The following CTNNA2 variants were observed in gnomAD, a reference collection of about 807,000 sequenced individuals.
CTNNA2 encodes the protein catenin alpha 2.
In CTNNA2, 42 loss-of-function variants were observed where a neutral mutation model predicts 101.0. The ratio of observed to expected loss-of-function variants is 0.42; its 90% CI spans 0.32 to 0.54. The LOEUF (loss-of-function observed/expected upper bound fraction) is 0.54, where lower values mean the gene tolerates loss of function less well. Among genes scored for constraint, CTNNA2 ranks in the 20% least tolerant of loss-of-function variants. The pLI is 0.14. For missense variants in CTNNA2, 871 were observed against 1,223.1 expected, an observed-to-expected ratio of 0.71 and a Z score of 4.29; for synonymous variants, 450 against 456.4, an observed-to-expected ratio of 0.99 and a Z score of 0.18.
intron 7 of CTNNA2, among the ~76,000 whole-genome samples, chr2:79,927,024 G>A (rs532239651): frequency 1.3e-5 from 2 of 152,254 alleles, no homozygotes; most frequent in African/African-American, 4.8e-5. Flanking sequence ...ATCAAAGATG[G>A]AGAGTATACT....
intron 3 of CTNNA2, among the ~76,000 whole-genome samples, chr2:79,355,012 C>T (rs1434178): frequency 0.77 from 116,586 of 152,054 alleles, 44,986 homozygotes; most frequent in East Asian, 0.96. Flanking sequence ...TTAGTTATAT[C>T]GACTTTGTTA....
intron 3 of CTNNA2, among the ~76,000 whole-genome samples, chr2:79,327,069 C>A (rs1199494805): frequency 6.6e-6 from 1 of 152,212 alleles, no homozygotes; most frequent in Non-Finnish European, 1.5e-5. Context: ...AGCTTTCCTG[C>A]ATACCTCTCC....
chr2:80,640,358 T>C (rs1283286222), intron 18 of CTNNA2, among the ~76,000 whole-genome samples: 1 of 152,134 alleles, frequency 6.6e-6, no homozygotes, highest in Non-Finnish European at 1.5e-5. Context: ...CCATGGACAC[T>C]ATGGATGAGA....
At chr2:80,564,229 G>A (rs2149680631) in intron 12 of CTNNA2, among the ~76,000 whole-genome samples, 1 of 152,220 alleles carries the variant, frequency 6.6e-6, no homozygotes, top group Non-Finnish European at 1.5e-5. Context: ...TGCCAAATTA[G>A]ACTGTATTTA....
At chr2:79,713,636 A>G (rs1489722735) in intron 2 of CTNNA2, among the ~76,000 whole-genome samples, 1 of 152,096 alleles carries the variant, frequency 6.6e-6, no homozygotes, top group Non-Finnish European at 1.5e-5. Context: ...ACTTCCTGTG[A>G]CACAGTGGTC....
At chr2:79,752,393 T>C (rs1054297493) in intron 3 of CTNNA2, among the ~76,000 whole-genome samples, 2 of 152,142 alleles carry the variant, frequency 1.3e-5, no homozygotes, top group African/African-American at 2.4e-5. Context: ...TTGTGGAGAA[T>C]GAATAATGAG....
chr2:80,502,034 A>C (rs1687918349), intron 9 of CTNNA2, among the ~76,000 whole-genome samples: 1 of 152,170 alleles, frequency 6.6e-6, no homozygotes, highest in Admixed American at 6.5e-5. Context: ...TAGAAAGGAA[A>C]ACATGGCTGT....
At chr2:80,093,148 C>CT (rs1376787162) in intron 7 of CTNNA2, among the ~76,000 whole-genome samples, 1 of 151,932 alleles carries the variant, frequency 6.6e-6, no homozygotes, top group Non-Finnish European at 1.5e-5. Flanking sequence ...AGTGCTATCC[C>CT]CCCTGCTCCC....
intron 7 of CTNNA2, among the ~76,000 whole-genome samples, chr2:80,213,992 C>G (rs924509352): frequency 4.6e-5 from 7 of 152,046 alleles, no homozygotes; most frequent in South Asian, 2.1e-4. Context: ...CTCTTTTGAT[C>G]TTTGTTGGTT....
intron 7 of CTNNA2, among the ~76,000 whole-genome samples, chr2:79,961,799 G>A (rs919774646): frequency 3.4e-5 from 5 of 146,998 alleles, no homozygotes; most frequent in Non-Finnish European, 7.5e-5. Flanking sequence ...TCCAGCCTGG[G>A]TGACAGAGCG....
chr2:80,007,482 T>C (rs1210106075), intron 7 of CTNNA2, among the ~76,000 whole-genome samples: 2 of 152,170 alleles, frequency 1.3e-5, no homozygotes, highest in Non-Finnish European at 2.9e-5. Context: ...AGACTGACTT[T>C]CCTGTACTCT....
chr2:80,174,065 TGAG>T (rs1226731405), intron 7 of CTNNA2, among the ~76,000 whole-genome samples: 1 of 152,160 alleles, frequency 6.6e-6, no homozygotes. Context: ...AATAGATTGA[TGAG>T]TGGCACATGC....
chr2:79,451,569 A>G (rs1670750870), intron 4 of CTNNA2, among the ~76,000 whole-genome samples: 1 of 151,974 alleles, frequency 6.6e-6, no homozygotes, highest in Non-Finnish European at 1.5e-5. Context: ...GAGTTAAAAA[A>G]AATACTGAGT....
At chr2:80,058,941 G>A (rs1697399916) in intron 7 of CTNNA2, among the ~76,000 whole-genome samples, 1 of 152,042 alleles carries the variant, frequency 6.6e-6, no homozygotes, top group African/African-American at 2.4e-5. Flanking sequence ...CATGATATCT[G>A]CAAAGGATTT....
chr2:79,893,931 A>T (rs1300405395), intron 6 of CTNNA2, among the ~76,000 whole-genome samples: 1 of 151,894 alleles, frequency 6.6e-6, no homozygotes, highest in African/African-American at 2.4e-5. Context: ...ATGATTTTTA[A>T]GTATCTGAAA....
At chr2:79,767,215 G>A (rs1010167409) in intron 3 of CTNNA2, among the ~76,000 whole-genome samples, 4 of 151,844 alleles carry the variant, frequency 2.6e-5, no homozygotes, top group South Asian at 2.1e-4. Context: ...TTCAATCTCC[G>A]TTAAATGTAT....
chr2:79,916,969 C>T (rs887374423), intron 7 of CTNNA2, among the ~76,000 whole-genome samples: 13 of 151,920 alleles, frequency 8.6e-5, no homozygotes, highest in Admixed American at 2.0e-4. Flanking sequence ...TTTTTTGAGA[C>T]GGAGTCTGGC....
chr2:79,537,989 T>G (rs1344248745), intron 1 of CTNNA2, among the ~76,000 whole-genome samples: 1 of 152,114 alleles, frequency 6.6e-6, no homozygotes, highest in Non-Finnish European at 1.5e-5. Context: ...GATTCTACTT[T>G]TGGAAGGAAA....
chr2:80,011,226 ATTAT>A (rs1046041526), intron 7 of CTNNA2, among the ~76,000 whole-genome samples: 54 of 152,278 alleles, frequency 3.5e-4, no homozygotes, highest in African/African-American at 1.3e-3. Context: ...TTGAGAAAAG[ATTAT>A]TTATATTTTC....
Sources: allele counts gnomAD v4.1 joint callset (sites outside exome capture counted in the v4.1 genomes callset), GRCh38; gene constraint gnomAD v4.1.1; transcripts MANE v1.5; gene names NCBI Gene and HGNC (gene_info 2026-07-23, HGNC 2026-07-21).